The following BANK1 variants were observed in gnomAD, a reference collection of about 807,000 sequenced individuals.
BANK1 encodes B-cell scaffold protein with ankyrin repeats.
A neutral mutation model predicts 94.5 loss-of-function variants in BANK1; 95 were observed. The observed-to-expected ratio is 1.00, with a 90% CI of 0.85 to 1.19. The LOEUF (loss-of-function observed/expected upper bound fraction) is 1.19, where lower values mean the gene tolerates loss of function less well. Ranked by LOEUF, BANK1 falls within the 50% of genes most tolerant of loss-of-function variation. The probability of loss-of-function intolerance (pLI) is 0.00; values close to 1 mark genes in which losing one functional copy is unlikely to be tolerated. For missense variants in BANK1, 987 were observed against 932.2 expected (o/e 1.06, Z -0.77); for synonymous variants, 334 against 308.4 (o/e 1.08, Z -0.87).
intron 8 of BANK1, among the ~76,000 whole-genome samples, chr4:102,021,807 A>G (rs187606554): frequency 1.4e-4 from 22 of 152,226 alleles, no homozygotes; most frequent in Admixed American, 1.4e-3. Context: ...AAAATCAAAT[A>G]CTGATTTTTC....
At chr4:102,009,458 G>A (rs1726411481) in intron 7 of BANK1, among the ~76,000 whole-genome samples, 1 of 152,216 alleles carries the variant, frequency 6.6e-6, no homozygotes, top group Admixed American at 6.5e-5. Flanking sequence ...TTTCAAAGAT[G>A]TCTCAAATGC....
At chr4:101,812,328 G>T (rs1725755685) in intron 1 of BANK1, among the ~76,000 whole-genome samples, 1 of 151,722 alleles carries the variant, frequency 6.6e-6, no homozygotes, top group South Asian at 2.1e-4. Context: ...TTAACATAAA[G>T]GAATATCTTC....
At chr4:101,841,752 T>C (rs1198782622) in intron 2 of BANK1, among the ~76,000 whole-genome samples, 3 of 149,172 alleles carry the variant, frequency 2.0e-5, no homozygotes, top group African/African-American at 7.4e-5. Context: ...ATTAGGTATA[T>C]CTCCCAATGC....
At chr4:102,031,965 A>G (rs1393211867) in intron 10 of BANK1, among the ~76,000 whole-genome samples, 1 of 152,202 alleles carries the variant, frequency 6.6e-6, no homozygotes, top group African/African-American at 2.4e-5. Context: ...ACTATAGCAA[A>G]TTAATCAACT....
chr4:102,058,702 T>TAAA (rs202223180), intron 11 of BANK1, among the ~76,000 whole-genome samples: 198 of 138,692 alleles, frequency 1.4e-3, no homozygotes, highest in African/African-American at 4.9e-3. Context: ...TCTTTACTCT[T>TAAA]AAAAAAAAAA....
chr4:102,060,311 GA>G lies in BANK1; in HGVS notation c.2074del (p.Met692CysfsTer22). On this transcript the variant is annotated frameshift_variant, in exon 12 of 17. Coordinates refer to ENST00000322953, the MANE Select transcript of BANK1 (RefSeq NM_017935.5). LOFTEE classifies it high-confidence loss of function. ...ILLQEKVKNGKMSMDEALEKF... is the reference protein window; with the variant it reads ...ILLQEKVKNGXMSMDEALEKF... ...TCCTGCAGGAGAAAGTAAAGAATGG[GA>G]AAATGTCTATGGATGAAGCTCTGGA... 1 of 1,610,604 alleles carries G rather than the reference GA, an allele frequency of 6.2e-7. No homozygotes were observed. The highest frequency in any genetic ancestry group is 1.1e-5 in the South Asian group (1 of 90,346).
In BANK1 at chr4:102,046,964, A is replaced by G. The variant is rs190481974; in HGVS notation, c.1969+3057A>G. Among the ~76,000 whole-genome samples, 5 of 152,266 alleles carry G rather than the reference A, an allele frequency of 3.3e-5. No homozygotes were observed. In the East Asian group the frequency reaches 9.6e-4, roughly 29 times the overall value. On this transcript the variant is annotated intron_variant, in intron 11 of 16. Transcript: ENST00000322953. ...TTTGAAATAACTTCAGTCCAAACTA[A>G]TATTTCCTTGAAAATGGTGCCGGTA...
At chr4:101,895,557 A>C (rs190466606) in intron 6 of BANK1, 147 bp downstream of exon 6, 1 of 517,012 alleles carries the variant, frequency 1.9e-6, no homozygotes, top group Non-Finnish European at 3.4e-6. Flanking sequence ...GAAAGGGTAC[A>C]TTAGTACAAA....
chr4:101,936,315 A>G (rs1723544932), intron 7 of BANK1, among the ~76,000 whole-genome samples: 1 of 150,496 alleles, frequency 6.6e-6, no homozygotes. Context: ...GCATATGTAC[A>G]CATATGTATC....
intron 1 of BANK1, chr4:101,813,938 G>C: frequency 1.0e-6 from 1 of 968,434 alleles, no homozygotes; most frequent in Non-Finnish European, 1.2e-6. Flanking sequence ...TCTTTGTTTT[G>C]GTATGTATAT....
Position 102,073,767 on chromosome 4 carries a change from A to ATAT in BANK1, c.*5+21_*5+23dup, listed in dbSNP as rs542685784. 18 of 1,584,886 alleles carry ATAT rather than the reference A, an allele frequency of 1.1e-5. No individual in the cohort carries two copies. In the East Asian group the frequency reaches 1.3e-4, roughly 12 times the overall value. ...AAAGAAGGTAAAATATTAGCTGTGT[A>ATAT]TATTTTTTAGAAAATCTAAAGCAGC... is the stretch of plus-strand genomic sequence containing the variant. On this transcript the variant is annotated intron_variant, in intron 16 of 16. Coordinates refer to ENST00000322953, the MANE Select transcript of BANK1 (RefSeq NM_017935.5).
In BANK1 at chr4:101,846,611, A is replaced by G. The variant is rs538600674; in HGVS notation, c.470-8424A>G. On this transcript the variant is annotated intron_variant, in intron 2 of 16. Coordinates refer to ENST00000322953, the MANE Select transcript of BANK1 (RefSeq NM_017935.5). ...TCAGGAAACTTAAAATCATGGTGGAAGGTGAAGGGGAAGCAAGGAATATCT... is the reference window on the plus strand; with the variant it reads ...TCAGGAAACTTAAAATCATGGTGGAGGGTGAAGGGGAAGCAAGGAATATCT... 1.2e-4 allele frequency among the ~76,000 whole-genome samples: 18 copies of G among 152,348 alleles called. No homozygotes were observed. In the South Asian group the frequency reaches 3.3e-3, roughly 28 times the overall value.
chr4:102,017,338 A>T (rs1330370436), intron 7 of BANK1, among the ~76,000 whole-genome samples: 1 of 152,216 alleles, frequency 6.6e-6, no homozygotes, highest in Non-Finnish European at 1.5e-5. Context: ...TGAAACAAAG[A>T]GTATTAAAAT....
In BANK1 at chr4:102,022,838, T is replaced by G. The variant is rs1043248679; in HGVS notation, c.1285+1246T>G. On this transcript the variant is annotated intron_variant, in intron 8 of 16. Coordinates refer to ENST00000322953, the MANE Select transcript of BANK1 (RefSeq NM_017935.5). ...TCTTTGTGTTCCCATCTCTCACCATTATCTTACTCATTCACAAACCAATAA... is the reference window on the plus strand; with the variant it reads ...TCTTTGTGTTCCCATCTCTCACCATGATCTTACTCATTCACAAACCAATAA... 4.6e-5 allele frequency among the ~76,000 whole-genome samples: 7 copies of G among 152,218 alleles called. No homozygotes were observed. The East Asian group carries it at 1.4e-3, about 29-fold the overall frequency.
chr4:101,880,441 A>G (rs1160824730), intron 5 of BANK1, among the ~76,000 whole-genome samples: 1 of 152,094 alleles, frequency 6.6e-6, no homozygotes, highest in African/African-American at 2.4e-5. Flanking sequence ...GAGATGAAAA[A>G]ATAAAAAGAC....
chr4:102,029,739 C>T (rs778034530), intron 9 of BANK1, among the ~76,000 whole-genome samples: 4 of 151,850 alleles, frequency 2.6e-5, no homozygotes, highest in African/African-American at 9.7e-5. Context: ...ATTTAAACTA[C>T]AAAGTGCAGG....
chr4:102,012,227 T>C (rs1283591972), intron 7 of BANK1, among the ~76,000 whole-genome samples: 2 of 152,202 alleles, frequency 1.3e-5, no homozygotes, highest in African/African-American at 4.8e-5. Context: ...TGTATACTTT[T>C]ATCTATCTTG....
chr4:101,817,107 T>A (rs1185853781), intron 1 of BANK1, among the ~76,000 whole-genome samples: 3 of 152,138 alleles, frequency 2.0e-5, no homozygotes, highest in African/African-American at 4.8e-5. Flanking sequence ...GGCTACCCGG[T>A]AAATGGGCCC....
At chr4:101,972,331 A>G (rs1483472731) in intron 7 of BANK1, 1 of 152,110 alleles carries the variant, frequency 6.6e-6, no homozygotes, top group Non-Finnish European at 1.5e-5. Flanking sequence ...TATTCTATAA[A>G]TACATTTGTA....
Sources: allele counts gnomAD v4.1 joint callset (sites outside exome capture counted in the v4.1 genomes callset), GRCh38; gene constraint gnomAD v4.1.1; transcripts MANE v1.5; gene names NCBI Gene and HGNC (gene_info 2026-07-23, HGNC 2026-07-21).